Variants in PIAS2 observed in about 807,000 individuals in gnomAD.
PIAS2 encodes E3 SUMO-protein ligase PIAS2.
A neutral mutation model predicts 69.7 loss-of-function variants in PIAS2; 19 were observed. The ratio of observed to expected loss-of-function variants is 0.27; its 90% CI spans 0.19 to 0.40. The LOEUF is 0.40. PIAS2 is among the 10% of genes least tolerant of loss of function. PIAS2 has a pLI of 1.00. For synonymous variants in PIAS2, 261 were observed against 263.2 expected (o/e 0.99, Z 0.08); for missense variants, 624 against 757.0 (o/e 0.82, Z 2.06).
At chr18:46,816,244 G>A in intron 12 of PIAS2, 1 of 984,034 alleles carries the variant, frequency 1.0e-6, no homozygotes, top group Non-Finnish European at 1.2e-6. Flanking sequence ...GAGAAAGTCT[G>A]ACATTATGCT....
intron 1 of PIAS2, among the ~76,000 whole-genome samples, chr18:46,899,893 C>A (rs1001275761): frequency 6.6e-6 from 1 of 152,076 alleles, no homozygotes; most frequent in Admixed American, 6.6e-5. Flanking sequence ...CAGATCTCAT[C>A]CTGACAGCAT....
intron 1 of PIAS2, among the ~76,000 whole-genome samples, chr18:46,903,019 A>T (rs1289513693): frequency 1.3e-5 from 2 of 152,230 alleles, no homozygotes; most frequent in Non-Finnish European, 2.9e-5. Flanking sequence ...TAGACAGAAA[A>T]ATGAACTTCC....
Position 46,890,980 on chromosome 18 carries a change from G to C in PIAS2, c.99C>G (p.Arg33=). The change falls in exon 2 of 14, where the codon CGC becomes CGG. Residue 33 remains arginine (R), a synonymous_variant. Transcript: ENST00000585916. ...LGFAGRNKSG[R]KHDLLMRALH... ...GCGCCCTCATCAGGAGGTCATGCTTGCGTCCACTTTTATTCCGTCCAGCAA... is the reference window on the plus strand; with the variant it reads ...GCGCCCTCATCAGGAGGTCATGCTTCCGTCCACTTTTATTCCGTCCAGCAA... 6.2e-7 allele frequency: 1 copy of C among 1,614,064 alleles called. No individual in the cohort carries two copies. The highest frequency in any genetic ancestry group is 1.1e-5 in the South Asian group (1 of 91,084).
intron 12 of PIAS2, chr18:46,817,999 T>G: frequency 1.0e-6 from 1 of 986,830 alleles, no homozygotes; most frequent in Non-Finnish European, 1.2e-6. Flanking sequence ...TATATTTTTA[T>G]GCCCTCCGAA....
At chr18:46,902,394 TA>T (rs2056005859) in intron 1 of PIAS2, among the ~76,000 whole-genome samples, 1 of 151,942 alleles carries the variant, frequency 6.6e-6, no homozygotes, top group Non-Finnish European at 1.5e-5. Context: ...CCGTCTCTAC[TA>T]AAGATGCAAA....
At chr18:46,903,430 T>C (rs553709021) in intron 1 of PIAS2, 7 of 151,096 alleles carry the variant, frequency 4.6e-5, no homozygotes, top group Admixed American at 1.3e-4. Flanking sequence ...GATTGGGATA[T>C]ACAGATGGCA....
At chr18:46,917,949 T>C (rs2058181015), upstream of PIAS2, 1 of 152,196 alleles carries the variant, frequency 6.6e-6, no homozygotes, top group Admixed American at 6.5e-5. Context: ...TCCCATCTAA[T>C]GGTGAGGTTG....
chr18:46,846,778 T>A lies in PIAS2; in HGVS notation c.790A>T (p.Thr264Ser). 1 of 1,613,256 alleles carries A rather than the reference T, an allele frequency of 6.2e-7. No individual in the cohort carries two copies. Among genetic ancestry groups the A allele is most frequent in the Non-Finnish European group, 8.5e-7 (1 of 1,179,568 alleles). Residue 264 changes from threonine to serine, a missense_variant, in exon 6 of 14, where the codon ACA becomes TCA. Thr to Ser is a moderately conservative substitution (Grantham distance 58). Coordinates refer to ENST00000585916, the MANE Select transcript of PIAS2 (RefSeq NM_004671.5). ...QKRPGRPLNITSLVRLSSAVP... is the reference protein window; with the variant it reads ...QKRPGRPLNISSLVRLSSAVP... ...GCTGAAGATAACCTAACTAAAGATG[T>A]AATATTCAAGGGGCGTCCAGGGCGC...
At chr18:46,829,665 G>A (rs543135467) in intron 10 of PIAS2, 69 bp downstream of exon 10, 1 of 1,379,090 alleles carries the variant, frequency 7.3e-7, no homozygotes, top group South Asian at 1.3e-5. Context: ...TATAGTTCTA[G>A]GGGCCAAGAT....
chr18:46,808,308 T>A lies in PIAS2; in HGVS notation c.*4125A>T, dbSNP rs890522627. ...CATAGGCAATTAATTGTTATACTTT[T>A]CTGTATTGTCTAAATTTTCCACAAT... On this transcript the variant is annotated 3_prime_UTR_variant, in exon 14 of 14. Coordinates refer to ENST00000585916, the MANE Select transcript of PIAS2 (RefSeq NM_004671.5). 3.3e-5 allele frequency: 5 copies of A among 152,252 alleles called. No individual in the cohort carries two copies. The highest frequency in any genetic ancestry group is 1.2e-4 in the African/African-American group (5 of 41,466). The allele number at this position is 152,252 out of a possible 1,614,324, so 9.4% of individuals were successfully genotyped here. A position where few individuals can be genotyped will look rare whatever the true frequency, so the allele number is the denominator to read the frequency against.
chr18:46,831,432 T>C (rs1192927231), intron 9 of PIAS2, among the ~76,000 whole-genome samples: 1 of 152,196 alleles, frequency 6.6e-6, no homozygotes, highest in Non-Finnish European at 1.5e-5. Flanking sequence ...CACAGACTTA[T>C]CTACAGAGTC....
At chr18:46,902,706 T>C (rs1193851811) in intron 1 of PIAS2, among the ~76,000 whole-genome samples, 1 of 152,190 alleles carries the variant, frequency 6.6e-6, no homozygotes, top group East Asian at 1.9e-4. Context: ...TTTGTAGATA[T>C]AGATGAGATT....
At chr18:46,916,420 A>C (rs768953873) in intron 1 of PIAS2, among the ~76,000 whole-genome samples, 1 of 150,968 alleles carries the variant, frequency 6.6e-6, no homozygotes, top group Non-Finnish European at 1.5e-5. Context: ...AAAAAAAATC[A>C]GGGTTTCTGT....
intron 9 of PIAS2, among the ~76,000 whole-genome samples, chr18:46,834,572 T>C (rs2044158145): frequency 6.6e-6 from 1 of 152,208 alleles, no homozygotes; most frequent in South Asian, 2.1e-4. Flanking sequence ...ATAGCTATCT[T>C]TTCAATTAGG....
intron 3 of PIAS2, among the ~76,000 whole-genome samples, chr18:46,858,070 G>T (rs1279435343): frequency 1.3e-5 from 2 of 152,134 alleles, no homozygotes; most frequent in African/African-American, 2.4e-5. Flanking sequence ...ACTGGCCCTT[G>T]AAACATGACT....
At chr18:46,844,149 AAAAATTT>A in intron 7 of PIAS2, 22 bp from the exon 8 acceptor site, 1 of 1,251,506 alleles carries the variant, frequency 8.0e-7, no homozygotes, top group Non-Finnish European at 1.1e-6. Context: ...AGAGAAAAAA[AAAAATTT>A]AAAAAAATTA....
intron 5 of PIAS2, among the ~76,000 whole-genome samples, chr18:46,848,519 A>G (rs940325084): frequency 6.6e-5 from 10 of 152,170 alleles, no homozygotes; most frequent in Non-Finnish European, 1.3e-4. Flanking sequence ...AGGACCAATG[A>G]AAACTAGTAC....
At chr18:46,872,568 C>CA (rs2050530409) in intron 2 of PIAS2, among the ~76,000 whole-genome samples, 1 of 152,200 alleles carries the variant, frequency 6.6e-6, no homozygotes, top group Non-Finnish European at 1.5e-5. Flanking sequence ...GTCTTCTCCA[C>CA]ACACCTTCTT....
chr18:46,855,235 AT>A (rs1380789601), intron 5 of PIAS2, 109 bp downstream of exon 5: 5 of 647,228 alleles, frequency 7.7e-6, no homozygotes, highest in Non-Finnish European at 8.1e-6. Flanking sequence ...TTTAATCTGG[AT>A]GCTAAAACTG....
Sources: allele counts gnomAD v4.1 joint callset (sites outside exome capture counted in the v4.1 genomes callset), GRCh38; gene constraint gnomAD v4.1.1; transcripts MANE v1.5; gene names NCBI Gene and HGNC (gene_info 2026-07-23, HGNC 2026-07-21).